The following CECR2 variants were observed in gnomAD, a reference collection of about 807,000 sequenced individuals.
The protein encoded by CECR2 is chromatin remodeling regulator CECR2.
CECR2 carries 30 observed loss-of-function variants against 154.5 expected under a neutral mutation model. The ratio of observed to expected loss-of-function variants is 0.19; its 90% CI spans 0.15 to 0.26. CECR2 has a LOEUF of 0.26. Among genes scored for constraint, CECR2 ranks in the 10% least tolerant of loss-of-function variants. CECR2 has a pLI of 1.00. For synonymous variants in CECR2, 725 were observed against 683.7 expected, an observed-to-expected ratio of 1.06 and a Z score of -0.94; for missense variants, 1,743 against 1,829.3, an observed-to-expected ratio of 0.95 and a Z score of 0.86.
At chr22:17,456,306 A>G (rs2054853515) in intron 1 of CECR2, among the ~76,000 whole-genome samples, 1 of 152,174 alleles carries the variant, frequency 6.6e-6, no homozygotes, top group South Asian at 2.1e-4. Flanking sequence ...ATTTTATAAT[A>G]TGCCGTATTT....
At chr22:17,500,514 T>G in intron 4 of CECR2, 117 bp from the exon 5 acceptor site, 1 of 729,954 alleles carries the variant, frequency 1.4e-6, no homozygotes, top group East Asian at 2.7e-5. Flanking sequence ...TCCCTTTTCC[T>G]TTCACTGCTA....
At chr22:17,483,722 G>T (rs143715553) in intron 2 of CECR2, among the ~76,000 whole-genome samples, 1 of 152,248 alleles carries the variant, frequency 6.6e-6, no homozygotes, top group African/African-American at 2.4e-5. Context: ...TATTATTGAA[G>T]GAAAGGTTTT....
chr22:17,533,536 A>C (rs1206901371), intron 9 of CECR2, among the ~76,000 whole-genome samples: 2 of 150,376 alleles, frequency 1.3e-5, no homozygotes, highest in Non-Finnish European at 3.0e-5. Flanking sequence ...AGGCTGAGGC[A>C]CGAGAATTGC....
At chr22:17,416,524 A>G in intron 1 of CECR2, among the ~76,000 whole-genome samples, 1 of 152,086 alleles carries the variant, frequency 6.6e-6, no homozygotes, top group East Asian at 1.9e-4. Flanking sequence ...TCATACTGTT[A>G]TTATTATATT....
At chr22:17,489,134 A>G (rs191383904) in intron 2 of CECR2, among the ~76,000 whole-genome samples, 80 of 152,132 alleles carry the variant, frequency 5.3e-4, no homozygotes, top group Non-Finnish European at 1.1e-3. Context: ...GGGTTTCACC[A>G]TGTTAATCAA....
intron 1 of CECR2, among the ~76,000 whole-genome samples, chr22:17,373,921 T>C: frequency 6.6e-6 from 1 of 152,184 alleles, no homozygotes; most frequent in Non-Finnish European, 1.5e-5. Context: ...CTAAGTTTTG[T>C]CCTGATTCAA....
rs695493 is a variant in CECR2 at position 17,545,374 on chromosome 22, C to CAAAAAAAA, written c.2860+2387_2860+2394dup. ...TGGGCGAAACAGCGAGACTCCGTCT[C>CAAAAAAAA]AAAAAAAAAAAAAAAAAAAAAAAGA... On this transcript the variant is annotated intron_variant, in intron 16 of 18. Transcript: ENST00000262608. Among the ~76,000 whole-genome samples, 40 of 46,330 alleles carry CAAAAAAAA rather than the reference C, an allele frequency of 8.6e-4. 1 individual carries two copies. Among genetic ancestry groups the CAAAAAAAA allele is most frequent in the African/African-American group, 1.5e-3 (17 of 11,046 alleles). 30.4% of individuals were successfully genotyped at this position (46,330 alleles called of 152,430 possible). A position where few individuals can be genotyped will look rare whatever the true frequency, so the allele number is the denominator to read the frequency against.
At chr22:17,447,033 C>CTGTTTTTCTTTT (rs1339121774) in intron 1 of CECR2, among the ~76,000 whole-genome samples, 1 of 114,110 alleles carries the variant, frequency 8.8e-6, no homozygotes, top group African/African-American at 3.8e-5. Context: ...CGTTTACAAT[C>CTGTTTTTCTTTT]TTTTTTTTTT....
Position 17,552,963 on chromosome 22 carries a change from C to G in CECR2, c.*123C>G. The G allele has an allele frequency of 6.7e-7, 1 of 1,500,638 alleles. No individual in the cohort carries two copies. The highest frequency in any genetic ancestry group is 1.7e-4 in the Middle Eastern group (1 of 5,766). 93.0% of individuals were successfully genotyped at this position (1,500,638 alleles called of 1,614,324 possible). A position where few individuals can be genotyped will look rare whatever the true frequency, so the allele number is the denominator to read the frequency against. ...TGCTCCACCCCTTCACGGCGACCCA[C>G]TCGTGCCATACTTGAGCTGGAGCCA... On this transcript the variant is annotated 3_prime_UTR_variant, in exon 19 of 19. Transcript: ENST00000262608.
At chr22:17,500,185 T>C (rs2146880780) in intron 4 of CECR2, among the ~76,000 whole-genome samples, 1 of 140,238 alleles carries the variant, frequency 7.1e-6, no homozygotes, top group East Asian at 2.1e-4. Context: ...CACTCCAGCC[T>C]GGGCGACAGA....
At chr22:17,525,275 A>G (rs1481265528) in intron 9 of CECR2, among the ~76,000 whole-genome samples, 1 of 113,298 alleles carries the variant, frequency 8.8e-6, no homozygotes. Context: ...ACAAGAGTGA[A>G]ACTCCATCTC....
At chr22:17,446,592 C>T (rs2054667614) in intron 1 of CECR2, among the ~76,000 whole-genome samples, 1 of 146,328 alleles carries the variant, frequency 6.8e-6, no homozygotes, top group Non-Finnish European at 1.5e-5. Flanking sequence ...TGGCGGGCGC[C>T]TGTAGTCCCA....
intron 1 of CECR2, among the ~76,000 whole-genome samples, chr22:17,421,850 TA>T (rs35949878): frequency 0.15 from 20,976 of 138,128 alleles, 1,691 homozygotes; most frequent in African/African-American, 0.23. Context: ...GCATCTCTAC[TA>T]AAAAAAAAAA....
chr22:17,499,533 G>C lies in CECR2; in HGVS notation c.529G>C (p.Glu177Gln). The C allele has an allele frequency of 6.2e-7, 1 of 1,610,936 alleles. No homozygotes were observed. The highest frequency in any genetic ancestry group is 1.7e-4 in the Middle Eastern group (1 of 6,060). Residue 177 changes from glutamate to glutamine, a missense_variant, in exon 4 of 19, where the codon GAA becomes CAA. By Grantham distance (29) the Glu-to-Gln change is conservative. Around this residue, in one of 4 missense-constraint regions of CECR2, gnomAD observed 292 missense variants for 301.2 expected, o/e 0.97. Transcript: ENST00000262608. Reference protein sequence around the residue: ...EDPVQGKSNGELSLSRESEGQ... With the variant: ...EDPVQGKSNGQLSLSRESEGQ... ...CCCGGTGCAAGGAAAATCCAATGGA[G>C]AACTCTCTTTGAGCAGGTATGTTCT...
At chr22:17,526,808 C>CAAAAA (rs34800488) in intron 9 of CECR2, among the ~76,000 whole-genome samples, 6 of 71,666 alleles carry the variant, frequency 8.4e-5, no homozygotes, top group East Asian at 5.0e-4. Flanking sequence ...GACTCCATCT[C>CAAAAA]AAAAAAAAAA....
intron 1 of CECR2, among the ~76,000 whole-genome samples, chr22:17,395,075 C>A (rs929146492): frequency 2.0e-5 from 3 of 152,172 alleles, no homozygotes; most frequent in African/African-American, 7.2e-5. Context: ...TGTATCTAAC[C>A]CCAGTGTTGC....
intron 1 of CECR2, among the ~76,000 whole-genome samples, chr22:17,455,965 T>G (rs2054847943): frequency 6.6e-6 from 1 of 152,156 alleles, no homozygotes; most frequent in African/African-American, 2.4e-5. Context: ...GGCTGTGGTC[T>G]CATATCAGGG....
At chr22:17,364,342 C>CAAAAA (rs59134897) in intron 1 of CECR2, among the ~76,000 whole-genome samples, 720 of 52,882 alleles carry the variant, frequency 0.014, 41 homozygotes, top group African/African-American at 0.069. Context: ...GACTCTGTCT[C>CAAAAA]AAAAAAAAAA....
chr22:17,510,407 C>A (rs1034191997), intron 7 of CECR2, among the ~76,000 whole-genome samples: 2 of 151,870 alleles, frequency 1.3e-5, no homozygotes, highest in Admixed American at 1.3e-4. Context: ...TAGTTTGAGG[C>A]TGCAGTGAGT....
Sources: gnomAD v4.1 joint callset for allele counts (sites outside exome capture counted in the v4.1 genomes callset) on GRCh38, gnomAD v4.1.1 for gene constraint, gnomAD v4.1.1 regional missense constraint, MANE v1.5 for transcripts, NCBI Gene and HGNC (gene_info 2026-07-23, HGNC 2026-07-21) for gene names.